Variants in ANK3 observed in about 807,000 individuals in gnomAD.
ANK3 encodes the protein ankyrin 3, also known as ankyrin-3.
A neutral mutation model predicts 370.9 loss-of-function variants in ANK3; 57 were observed. The ratio of observed to expected loss-of-function variants is 0.15; its 90% CI spans 0.12 to 0.19. ANK3 has a LOEUF of 0.19. Among genes scored for constraint, ANK3 ranks in the 10% least tolerant of loss-of-function variants. The pLI is 1.00. For missense variants in ANK3, 4,439 were observed against 5,302.1 expected (o/e 0.84, Z 5.06); for synonymous variants, 1,929 against 1,946.3 (o/e 0.99, Z 0.23).
At chr10:60,538,890 T>C (rs2076784250) in intron 2 of ANK3, among the ~76,000 whole-genome samples, 1 of 151,996 alleles carries the variant, frequency 6.6e-6, no homozygotes, top group Non-Finnish European at 1.5e-5. Context: ...CAATGGCTTC[T>C]AATGAAAATA....
chr10:60,125,584 G>A (rs1261886069), intron 25 of ANK3, among the ~76,000 whole-genome samples: 1 of 152,134 alleles, frequency 6.6e-6, no homozygotes, highest in Non-Finnish European at 1.5e-5. Context: ...ATCTGAGGCT[G>A]GCTACCTTCT....
rs1196866388 is a variant in ANK3, at chr10:60,074,933, T to C, written c.5948A>G (p.His1983Arg). The change falls in exon 37 of 44, where the codon CAC becomes CGC. Residue 1983 changes from histidine to arginine, a missense_variant. Around this residue, in one of 13 missense-constraint regions of ANK3, gnomAD observed 679 missense variants for 791.0 expected, o/e 0.86. Transcript: ENST00000280772. ...SPKSPKSDKG[H>R]SPEDDWIEFS... Reference sequence around the variant, plus strand: ...TTCTATCCAGTCATCTTCAGGAGAGTGTCCTTTGTCACTCTTTGGTGATTT... The same window carrying C: ...TTCTATCCAGTCATCTTCAGGAGAGCGTCCTTTGTCACTCTTTGGTGATTT... 5 of 1,613,938 alleles carry C rather than the reference T, an allele frequency of 3.1e-6. No homozygotes were observed. The highest frequency in any genetic ancestry group is 4.2e-6 in the Non-Finnish European group (5 of 1,180,000).
At chr10:60,491,981 C>T (rs1321913623) in intron 2 of ANK3, among the ~76,000 whole-genome samples, 1 of 148,438 alleles carries the variant, frequency 6.7e-6, no homozygotes, top group Non-Finnish European at 1.5e-5. Context: ...CAGTAAATGA[C>T]AAACCTCATA....
chr10:60,175,009 C>A (rs777274587), intron 18 of ANK3, among the ~76,000 whole-genome samples: 1 of 152,160 alleles, frequency 6.6e-6, no homozygotes, highest in African/African-American at 2.4e-5. Context: ...TGTGAACCAC[C>A]ATGCCTGGCC....
At chr10:60,165,350 T>C (rs1356546264) in intron 23 of ANK3, among the ~76,000 whole-genome samples, 1 of 152,182 alleles carries the variant, frequency 6.6e-6, no homozygotes, top group African/African-American at 2.4e-5. Flanking sequence ...CTAAAGACGA[T>C]AACAAATATT....
At chr10:60,065,999 T>TA (rs201356639) in intron 38 of ANK3, among the ~76,000 whole-genome samples, 1,616 of 152,248 alleles carry the variant, frequency 0.011, 25 homozygotes, top group African/African-American at 0.037. Context: ...GTTCTTGTTT[T>TA]AAAAAAAGCA....
intron 2 of ANK3, among the ~76,000 whole-genome samples, chr10:60,552,796 T>A (rs1313805025): frequency 6.6e-6 from 1 of 152,166 alleles, no homozygotes; most frequent in Non-Finnish European, 1.5e-5. Flanking sequence ...AATTCCCACA[T>A]GTTGTGGGAC....
chr10:60,733,173 G>T, intron 1 of ANK3: 2 of 1,152,648 alleles, frequency 1.7e-6, no homozygotes, highest in Non-Finnish European at 2.2e-6. Flanking sequence ...GGACTCCTGG[G>T]GCCCCCCGGC....
intron 7 of ANK3, among the ~76,000 whole-genome samples, chr10:60,254,748 G>A (rs1241045765): frequency 1.3e-5 from 2 of 152,150 alleles, no homozygotes; most frequent in African/African-American, 4.8e-5. Context: ...ACGCAGCTGA[G>A]TTTAGTTTGG....
chr10:60,164,506 A>C (rs1055105717), intron 23 of ANK3, among the ~76,000 whole-genome samples: 2 of 151,142 alleles, frequency 1.3e-5, no homozygotes, highest in Non-Finnish European at 2.9e-5. Flanking sequence ...AAAAAAAAAA[A>C]CTAAAAAGAA....
At chr10:60,632,561 C>A (rs1336022894) in intron 1 of ANK3, among the ~76,000 whole-genome samples, 1 of 152,108 alleles carries the variant, frequency 6.6e-6, no homozygotes, top group Non-Finnish European at 1.5e-5. Flanking sequence ...GAAGACTGGG[C>A]AACACACTGA....
intron 1 of ANK3, among the ~76,000 whole-genome samples, chr10:60,678,668 A>G (rs2079157060): frequency 1.3e-5 from 2 of 152,358 alleles, no homozygotes; most frequent in African/African-American, 4.8e-5. Context: ...ATTCTGCTTT[A>G]GTCAACATTT....
chr10:60,695,321 T>C (rs866361102), intron 1 of ANK3, among the ~76,000 whole-genome samples: 1 of 152,016 alleles, frequency 6.6e-6, no homozygotes, highest in Non-Finnish European at 1.5e-5. Flanking sequence ...AACACCCCAC[T>C]GTCAACATTA....
rs778144591 is a variant in ANK3, at chr10:60,076,336, C to A, written c.4545G>T (p.Gly1515=). The change falls in exon 37 of 44, where the codon GGG becomes GGT. Residue 1515 remains glycine, a synonymous_variant. Transcript: ENST00000280772. The part of the protein sequence containing the change: ...SWTTAPITVP[G]PAKSGFTSLS... ...AGGAAGTGAAGCCTGACTTGGCTGGCCCAGGCACTGTAATCGGAGCTGTTG... is the reference window on the plus strand; with the variant it reads ...AGGAAGTGAAGCCTGACTTGGCTGGACCAGGCACTGTAATCGGAGCTGTTG... The A allele has an allele frequency of 6.2e-7, 1 of 1,614,004 alleles. No homozygotes were observed. Among genetic ancestry groups the A allele is most frequent in the South Asian group, 1.1e-5 (1 of 91,078 alleles).
At chr10:60,508,448 G>A (rs2075995497) in intron 2 of ANK3, 1 of 152,648 alleles carries the variant, frequency 6.6e-6, no homozygotes, top group African/African-American at 2.4e-5. Flanking sequence ...CACGAGCTAT[G>A]TTTAAAATGG....
intron 1 of ANK3, among the ~76,000 whole-genome samples, chr10:60,305,530 A>G (rs35545571): frequency 0.1 from 15,358 of 152,156 alleles, 979 homozygotes; most frequent in Non-Finnish European, 0.15. Context: ...TTTAGTGAGA[A>G]GAGACAGCAG....
intron 2 of ANK3, among the ~76,000 whole-genome samples, chr10:60,482,375 A>C (rs1383360843): frequency 1.3e-5 from 2 of 152,166 alleles, no homozygotes; most frequent in African/African-American, 4.8e-5. Context: ...CCCAAACCAA[A>C]GATATTGCCA....
Position 60,164,333 on chromosome 10 carries a change from G to A in ANK3, c.2614+2258C>T, listed in dbSNP as rs137903010. Reference sequence around the variant, plus strand: ...ACTTTTAACATCTTCCATGGAGAATGCAATAGTCCTGCTATACTCTGCTTT... The same window carrying A: ...ACTTTTAACATCTTCCATGGAGAATACAATAGTCCTGCTATACTCTGCTTT... On this transcript the variant is annotated intron_variant, in intron 23 of 43. Coordinates refer to ENST00000280772, the MANE Select transcript of ANK3 (RefSeq NM_020987.5). 4.2e-3 allele frequency among the ~76,000 whole-genome samples: 635 copies of A among 152,090 alleles called. 5 individuals are homozygous for A. Among genetic ancestry groups the A allele is most frequent in the African/African-American group, 0.015 (608 of 41,492 alleles).
chr10:60,697,387 G>A (rs1454095347), intron 1 of ANK3, among the ~76,000 whole-genome samples: 3 of 151,250 alleles, frequency 2.0e-5, no homozygotes, highest in African/African-American at 7.3e-5. Context: ...TTTCTTCACA[G>A]AATTGGAAAA....
Sources: allele counts gnomAD v4.1 joint callset (sites outside exome capture counted in the v4.1 genomes callset), GRCh38; gene constraint gnomAD v4.1.1; regional missense constraint gnomAD v4.1.1; transcripts MANE v1.5; gene names NCBI Gene and HGNC (gene_info 2026-07-23, HGNC 2026-07-21).